The following SLC26A7 variants were observed in gnomAD, a reference collection of about 807,000 sequenced individuals.
SLC26A7 encodes anion exchange transporter.
A neutral mutation model predicts 82.5 loss-of-function variants in SLC26A7; 59 were observed. The ratio of observed to expected loss-of-function variants is 0.72; its 90% CI spans 0.58 to 0.89. The LOEUF (loss-of-function observed/expected upper bound fraction) is 0.89, where lower values mean the gene tolerates loss of function less well. SLC26A7 is among the 40% of genes least tolerant of loss of function. SLC26A7 has a pLI of 0.00. For synonymous variants in SLC26A7, 271 were observed against 274.3 expected, an observed-to-expected ratio of 0.99 and a Z score of 0.12; for missense variants, 820 against 793.0, an observed-to-expected ratio of 1.03 and a Z score of -0.41.
At chr8:91,374,854 T>A (rs930309396) in intron 15 of SLC26A7, among the ~76,000 whole-genome samples, 2 of 152,074 alleles carry the variant, frequency 1.3e-5, no homozygotes, top group Non-Finnish European at 2.9e-5. Context: ...TATTATCATC[T>A]GGCCACTGTC....
intron 5 of SLC26A7, among the ~76,000 whole-genome samples, chr8:91,320,834 C>G (rs1045782493): frequency 6.6e-6 from 1 of 152,148 alleles, no homozygotes; most frequent in Non-Finnish European, 1.5e-5. Context: ...ATTGTTATAT[C>G]CTTTCAGAAA....
At chr8:91,393,696 C>T (rs765340204) in intron 16 of SLC26A7, 101 bp from the exon 17 acceptor site, 4 of 1,280,674 alleles carry the variant, frequency 3.1e-6, no homozygotes, top group Non-Finnish European at 3.3e-6. Flanking sequence ...ACTTCGTAAA[C>T]ATCGGCTTTA....
intron 2 of SLC26A7, among the ~76,000 whole-genome samples, chr8:91,250,465 A>C (rs975484891): frequency 2.0e-5 from 3 of 152,124 alleles, no homozygotes; most frequent in African/African-American, 7.2e-5. Context: ...AACTTTCCCC[A>C]AAACAGACTA....
At chr8:91,382,296 G>T (rs1027352758) in intron 15 of SLC26A7, among the ~76,000 whole-genome samples, 1 of 151,992 alleles carries the variant, frequency 6.6e-6, no homozygotes, top group Non-Finnish European at 1.5e-5. Context: ...CACCTAAAAG[G>T]CTTCCTTATC....
chr8:91,242,294 G>T (rs1321641964), intron 2 of SLC26A7, among the ~76,000 whole-genome samples: 1 of 152,088 alleles, frequency 6.6e-6, no homozygotes, highest in African/African-American at 2.4e-5. Context: ...TTTTTGGACA[G>T]CATGAAAAAA....
At chr8:91,394,467 GA>G in intron 18 of SLC26A7, 1 of 1,387,646 alleles carries the variant, frequency 7.2e-7, no homozygotes, top group South Asian at 1.7e-5. Flanking sequence ...ACTATTTGTA[GA>G]ATCTAGTGCT....
At chr8:91,220,352 T>C (rs1261629460) in intron 2 of SLC26A7, among the ~76,000 whole-genome samples, 1 of 152,124 alleles carries the variant, frequency 6.6e-6, no homozygotes, top group Non-Finnish European at 1.5e-5. Flanking sequence ...CCTAAGCTGT[T>C]GAAAAAGTGT....
intron 4 of SLC26A7, 134 bp downstream of exon 4, chr8:91,295,837 T>C (rs1657477460): frequency 6.5e-6 from 5 of 767,862 alleles, no homozygotes; most frequent in Non-Finnish European, 1.0e-5. Context: ...TTTATCATTA[T>C]GGAAATGCTG....
intron 15 of SLC26A7, among the ~76,000 whole-genome samples, chr8:91,372,528 A>G (rs1202713470): frequency 7.2e-5 from 11 of 151,930 alleles, no homozygotes; most frequent in Admixed American, 7.2e-4. Context: ...ATCATTGAGG[A>G]TCAATTGGTT....
intron 1 of SLC26A7, among the ~76,000 whole-genome samples, chr8:91,213,105 T>C (rs1809964299): frequency 6.6e-6 from 1 of 152,144 alleles, no homozygotes; most frequent in Non-Finnish European, 1.5e-5. Flanking sequence ...CATCAAAATG[T>C]TGAAAATTCC....
chr8:91,311,949 A>G (rs1287705664), intron 4 of SLC26A7, among the ~76,000 whole-genome samples: 1 of 152,204 alleles, frequency 6.6e-6, no homozygotes, highest in Non-Finnish European at 1.5e-5. Flanking sequence ...TTAGGAACAA[A>G]AGGAAAGGCA....
At chr8:91,233,616 G>A (rs987579389) in intron 2 of SLC26A7, among the ~76,000 whole-genome samples, 3 of 151,822 alleles carry the variant, frequency 2.0e-5, no homozygotes, top group Non-Finnish European at 2.9e-5. Context: ...AAAAGAAAAC[G>A]TAGGAGAGGG....
rs1013618511 is a variant in SLC26A7 at position 91,395,758 on chromosome 8, A to G, written c.*661A>G. 2.0e-4 allele frequency: 31 copies of G among 152,122 alleles called. No homozygotes were observed. The highest frequency in any genetic ancestry group is 7.5e-4 in the African/African-American group (31 of 41,438). The allele number at this position is 152,122 out of a possible 1,614,324, so 9.4% of individuals were successfully genotyped here. ...ATCCAAATAAAACCAAGTTCTTGAC[A>G]TTGGTCTGTTTTGCTGTGAATATTG... is the stretch of plus-strand genomic sequence containing the variant. On this transcript the variant is annotated 3_prime_UTR_variant, in exon 19 of 19. Transcript: ENST00000276609.
chr8:91,239,416 A>T (rs1200097685), intron 2 of SLC26A7, among the ~76,000 whole-genome samples: 2 of 105,088 alleles, frequency 1.9e-5, no homozygotes, highest in Non-Finnish European at 4.1e-5. Context: ...ATATATGTAT[A>T]TGTATATATA....
At chr8:91,319,662 T>C (rs112354807) in intron 5 of SLC26A7, among the ~76,000 whole-genome samples, 3,188 of 152,326 alleles carry the variant, frequency 0.021, 99 homozygotes, top group African/African-American at 0.072. Context: ...AGGTGACTGG[T>C]TGAAAGTTTA....
At chr8:91,369,744 T>C (rs1414829362) in intron 14 of SLC26A7, 41 bp from the exon 15 acceptor site, 3 of 1,433,816 alleles carry the variant, frequency 2.1e-6, no homozygotes, top group Non-Finnish European at 2.8e-6. Context: ...AGAAGTAAAA[T>C]TTTATAACAT....
chr8:91,297,880 G>A (rs1285809247), intron 4 of SLC26A7, among the ~76,000 whole-genome samples: 1 of 152,052 alleles, frequency 6.6e-6, no homozygotes, highest in Non-Finnish European at 1.5e-5. Flanking sequence ...TTAGTTTCAG[G>A]TTGATTTTTT....
chr8:91,299,528 T>C (rs80235422), intron 4 of SLC26A7, among the ~76,000 whole-genome samples: 10,875 of 152,182 alleles, frequency 0.071, 558 homozygotes, highest in East Asian at 0.11. Flanking sequence ...TGCCTACTTG[T>C]GCCAACAACA....
intron 2 of SLC26A7, among the ~76,000 whole-genome samples, chr8:91,226,546 C>T (rs1439309614): frequency 1.3e-5 from 2 of 152,164 alleles, no homozygotes; most frequent in Non-Finnish European, 2.9e-5. Context: ...TTGTTCTTTT[C>T]CCATTTATTC....
Sources: allele counts gnomAD v4.1 joint callset (sites outside exome capture counted in the v4.1 genomes callset), GRCh38; gene constraint gnomAD v4.1.1; transcripts MANE v1.5; gene names NCBI Gene and HGNC (gene_info 2026-07-23, HGNC 2026-07-21).